Variants in NPAS2 observed in about 807,000 individuals in gnomAD.
NPAS2 encodes the protein neuronal PAS domain protein 2, also known as neuronal PAS domain-containing protein 2.
NPAS2 carries 23 observed loss-of-function variants against 107.5 expected under a neutral mutation model. The ratio of observed to expected loss-of-function variants is 0.21; its 90% CI spans 0.15 to 0.30. The LOEUF (loss-of-function observed/expected upper bound fraction) is 0.30. NPAS2 is among the 10% of genes least tolerant of loss of function. The pLI is 1.00. For missense variants in NPAS2, 756 were observed against 1,043.3 expected (o/e 0.72, Z 3.79); for synonymous variants, 403 against 417.5 (o/e 0.97, Z 0.42).
chr2:100,899,367 G>A (rs186000479), intron 1 of NPAS2, among the ~76,000 whole-genome samples: 20 of 152,114 alleles, frequency 1.3e-4, no homozygotes, highest in Middle Eastern at 3.4e-3. Context: ...GGGATTACAG[G>A]TGTGTACCAT....
At chr2:100,945,417 C>T (rs1457133750) in intron 5 of NPAS2, among the ~76,000 whole-genome samples, 1 of 152,222 alleles carries the variant, frequency 6.6e-6, no homozygotes, top group Non-Finnish European at 1.5e-5. Context: ...GGGACTCTGT[C>T]TGCTCCTCTC....
intron 4 of NPAS2, among the ~76,000 whole-genome samples, chr2:100,933,563 C>G (rs1390440594): frequency 6.6e-6 from 1 of 152,162 alleles, no homozygotes; most frequent in African/African-American, 2.4e-5. Context: ...TCATGTTCCT[C>G]CCTCTGGGTC....
chr2:100,980,007 G>A (rs983726640), intron 15 of NPAS2, among the ~76,000 whole-genome samples: 3 of 152,152 alleles, frequency 2.0e-5, no homozygotes, highest in East Asian at 3.9e-4. Context: ...TCTGAGGAGC[G>A]GTTATCTGGG....
intron 1 of NPAS2, among the ~76,000 whole-genome samples, chr2:100,894,788 A>T (rs1205908519): frequency 6.6e-6 from 1 of 152,144 alleles, no homozygotes; most frequent in Non-Finnish European, 1.5e-5. Context: ...TGGGCAGTGG[A>T]TGCTGGGTGC....
intron 4 of NPAS2, among the ~76,000 whole-genome samples, chr2:100,937,369 G>A (rs1332843832): frequency 6.6e-6 from 1 of 152,218 alleles, no homozygotes; most frequent in African/African-American, 2.4e-5. Flanking sequence ...TCAAAGTGAT[G>A]GCAGGGGTAG....
intron 5 of NPAS2, among the ~76,000 whole-genome samples, chr2:100,944,327 TC>T (rs1163595497): frequency 1.3e-5 from 2 of 152,166 alleles, no homozygotes; most frequent in East Asian, 3.9e-4. Context: ...CCAGCCTACT[TC>T]CAGCTCAGCC....
intron 1 of NPAS2, among the ~76,000 whole-genome samples, chr2:100,853,107 C>T (rs1396800041): frequency 6.6e-6 from 1 of 152,118 alleles, no homozygotes; most frequent in African/African-American, 2.4e-5. Flanking sequence ...ACTTTCAAAG[C>T]AGCTATTTAA....
chr2:100,884,646 C>T (rs1024714028), intron 1 of NPAS2, among the ~76,000 whole-genome samples: 6 of 152,116 alleles, frequency 3.9e-5, no homozygotes, highest in African/African-American at 1.4e-4. Context: ...TGTTTGCAAG[C>T]TTGGGGTCAG....
At chr2:100,864,063 G>T (rs1679101606) in intron 1 of NPAS2, among the ~76,000 whole-genome samples, 1 of 152,330 alleles carries the variant, frequency 6.6e-6, no homozygotes, top group South Asian at 2.1e-4. Context: ...TCATGAAGAT[G>T]GGATGTGTAG....
At chr2:100,834,829 G>C (rs988037881) in intron 1 of NPAS2, among the ~76,000 whole-genome samples, 4 of 151,860 alleles carry the variant, frequency 2.6e-5, no homozygotes, top group Non-Finnish European at 5.9e-5. Flanking sequence ...CAAGTAGCTG[G>C]GATTACAGGC....
chr2:100,832,100 G>A (rs1676777470), intron 1 of NPAS2, among the ~76,000 whole-genome samples: 1 of 152,058 alleles, frequency 6.6e-6, no homozygotes, highest in Non-Finnish European at 1.5e-5. Flanking sequence ...GACCAAGCTG[G>A]GCTCTGCCTG....
At chr2:100,912,382 C>T (rs981267417) in intron 2 of NPAS2, among the ~76,000 whole-genome samples, 11 of 152,246 alleles carry the variant, frequency 7.2e-5, no homozygotes, top group African/African-American at 2.2e-4. Context: ...CAGAATTCCC[C>T]GTCTGGAAGG....
intron 11 of NPAS2, among the ~76,000 whole-genome samples, chr2:100,969,213 C>T (rs1171071231): frequency 6.7e-6 from 1 of 150,298 alleles, no homozygotes; most frequent in Non-Finnish European, 1.5e-5. Flanking sequence ...TTCTGGGATT[C>T]GTGTACAGAA....
chr2:100,956,000 G>C (rs1395274679), intron 7 of NPAS2, among the ~76,000 whole-genome samples: 1 of 152,058 alleles, frequency 6.6e-6, no homozygotes, highest in Non-Finnish European at 1.5e-5. Flanking sequence ...CACCTCCTGG[G>C]CTCAAGAGAT....
chr2:100,923,353 G>C (rs1398617141), intron 2 of NPAS2, among the ~76,000 whole-genome samples: 1 of 152,206 alleles, frequency 6.6e-6, no homozygotes, highest in Non-Finnish European at 1.5e-5. Context: ...CCTAAACTGA[G>C]ATAGGACCGG....
chr2:100,958,198 A>G (rs1235101755), intron 7 of NPAS2, among the ~76,000 whole-genome samples: 2 of 151,992 alleles, frequency 1.3e-5, no homozygotes, highest in Non-Finnish European at 2.9e-5. Flanking sequence ...CGTTTTACCT[A>G]CTCGCCTCTA....
intron 7 of NPAS2, among the ~76,000 whole-genome samples, chr2:100,962,241 G>A (rs1675956643): frequency 6.6e-6 from 1 of 151,936 alleles, no homozygotes; most frequent in South Asian, 2.1e-4. Context: ...GAATATGTTT[G>A]GTAAAATGAA....
intron 5 of NPAS2, among the ~76,000 whole-genome samples, chr2:100,941,217 A>G (rs1005091619): frequency 6.6e-6 from 1 of 152,204 alleles, no homozygotes; most frequent in Admixed American, 6.5e-5. Flanking sequence ...AACTTTCTTT[A>G]CCAAATTGGC....
intron 15 of NPAS2, among the ~76,000 whole-genome samples, chr2:100,978,637 C>T (rs1201989636): frequency 6.6e-6 from 1 of 152,100 alleles, no homozygotes; most frequent in Non-Finnish European, 1.5e-5. Context: ...AGTCAGTGAG[C>T]GAGGTGTTAG....
Sources: gnomAD v4.1 joint callset for allele counts (sites outside exome capture counted in the v4.1 genomes callset) on GRCh38, gnomAD v4.1.1 for gene constraint, MANE v1.5 for transcripts, NCBI Gene and HGNC (gene_info 2026-07-23, HGNC 2026-07-21) for gene names.